ADARB1: variants seen among roughly 807,000 people sequenced by gnomAD.
ADARB1 encodes adenosine deaminase RNA specific B1.
ADARB1 carries 10 observed loss-of-function variants against 52.4 expected under a neutral mutation model. The ratio of observed to expected loss-of-function variants is 0.19; its 90% CI spans 0.12 to 0.32. The LOEUF (loss-of-function observed/expected upper bound fraction) is 0.32. ADARB1 is among the 10% of genes least tolerant of loss of function. ADARB1 has a pLI of 1.00. For synonymous variants in ADARB1, 349 were observed against 371.1 expected (o/e 0.94, Z 0.68); for missense variants, 643 against 922.3 (o/e 0.70, Z 3.92).
chr21:45,133,219 T>C (rs1031186987), intron 2 of ADARB1, among the ~76,000 whole-genome samples: 4 of 152,286 alleles, frequency 2.6e-5, no homozygotes, highest in Non-Finnish European at 4.4e-5. Context: ...CCGTTGCTTC[T>C]GACTGAGGGT....
intron 8 of ADARB1, among the ~76,000 whole-genome samples, chr21:45,186,078 C>A (rs977964358): frequency 6.6e-6 from 1 of 152,214 alleles, no homozygotes; most frequent in African/African-American, 2.4e-5. Flanking sequence ...CACCTCCACA[C>A]GTGCATATGT....
chr21:45,210,454 T>TA (rs2092745885), intron 9 of ADARB1, among the ~76,000 whole-genome samples: 1 of 152,232 alleles, frequency 6.6e-6, no homozygotes, highest in East Asian at 1.9e-4. Flanking sequence ...ACAGTACAGT[T>TA]ACCATTACCT....
rs2091710715 is a variant in ADARB1 at position 45,176,741 on chromosome 21, G to C, written c.963+77G>C. 2.1e-6 allele frequency: 3 copies of C among 1,430,656 alleles called. No individual in the cohort carries two copies. Among genetic ancestry groups the C allele is most frequent in the Non-Finnish European group, 1.9e-6 (2 of 1,061,742 alleles). The allele number at this position is 1,430,656 out of a possible 1,614,324, so 88.6% of individuals were successfully genotyped here. On this transcript the variant is annotated intron_variant, in intron 4 of 10. Coordinates refer to ENST00000348831, the MANE Select transcript of ADARB1 (RefSeq NM_001112.4). The surrounding 1 kb of genome is among the most constrained non-coding windows in gnomAD (Gnocchi z 5.8). ...GCTTCTAGACAGCATTTTAGTTTCA[G>C]GATTACTGTTGACTTTCCACCTTGA...
intron 1 of ADARB1, among the ~76,000 whole-genome samples, chr21:45,114,509 G>C (rs1222332599): frequency 6.6e-6 from 1 of 152,174 alleles, no homozygotes; most frequent in African/African-American, 2.4e-5. Context: ...AGAGTCTCGA[G>C]GCTTAGGCTG....
At chr21:45,160,621 G>C (rs1445511884) in intron 2 of ADARB1, among the ~76,000 whole-genome samples, 1 of 152,240 alleles carries the variant, frequency 6.6e-6, no homozygotes, top group Non-Finnish European at 1.5e-5. Context: ...TAGATTTTAT[G>C]TGTCTGGAAT....
At chr21:45,206,055 A>G (rs2092659514) in intron 9 of ADARB1, among the ~76,000 whole-genome samples, 1 of 152,234 alleles carries the variant, frequency 6.6e-6, no homozygotes, top group African/African-American at 2.4e-5. Context: ...AACAAAATAG[A>G]TAAAACTTGA....
At chr21:45,124,938 A>G (rs987774686) in intron 1 of ADARB1, among the ~76,000 whole-genome samples, 2 of 151,888 alleles carry the variant, frequency 1.3e-5, no homozygotes, top group Admixed American at 1.3e-4. Flanking sequence ...AGCTGGGATG[A>G]CAGGCGTGTG....
At chr21:45,086,596 G>A (rs945230756) in intron 1 of ADARB1, among the ~76,000 whole-genome samples, 3 of 152,206 alleles carry the variant, frequency 2.0e-5, no homozygotes, top group Non-Finnish European at 2.9e-5. Context: ...CTGTGTCATC[G>A]TTTGCATCAG....
At chr21:45,096,154 G>A (rs940222760) in intron 1 of ADARB1, among the ~76,000 whole-genome samples, 4 of 152,342 alleles carry the variant, frequency 2.6e-5, no homozygotes, top group East Asian at 1.9e-4. Context: ...CCCCTTCCAC[G>A]TGGCAGGAGA....
At chr21:45,124,186 T>C (rs1219561814) in intron 1 of ADARB1, among the ~76,000 whole-genome samples, 2 of 152,246 alleles carry the variant, frequency 1.3e-5, no homozygotes, top group Non-Finnish European at 2.9e-5. Context: ...TTGTATACGA[T>C]GTTTACACTG....
chr21:45,154,342 T>C (rs1242126364), intron 2 of ADARB1, among the ~76,000 whole-genome samples: 1 of 152,232 alleles, frequency 6.6e-6, no homozygotes, highest in East Asian at 1.9e-4. Flanking sequence ...TGGTATTTTG[T>C]AATAAGCATT....
chr21:45,129,871 CTG>C (rs2088823913), intron 2 of ADARB1, among the ~76,000 whole-genome samples: 1 of 152,196 alleles, frequency 6.6e-6, no homozygotes, highest in Non-Finnish European at 1.5e-5. Context: ...CTTGCCATTT[CTG>C]TCTGTAAATG....
intron 1 of ADARB1, among the ~76,000 whole-genome samples, chr21:45,085,609 A>C (rs1003611671): frequency 1.3e-5 from 2 of 152,188 alleles, no homozygotes; most frequent in Non-Finnish European, 2.9e-5. Flanking sequence ...GTATGTACCC[A>C]GGAGCAGAGC....
chr21:45,109,624 T>G (rs2087444263), intron 1 of ADARB1, among the ~76,000 whole-genome samples: 1 of 151,432 alleles, frequency 6.6e-6, no homozygotes, highest in African/African-American at 2.4e-5. Context: ...TTTTGTCCCA[T>G]CCTCCTGGCA....
At chr21:45,085,879 A>G (rs551609274) in intron 1 of ADARB1, among the ~76,000 whole-genome samples, 62 of 152,372 alleles carry the variant, frequency 4.1e-4, no homozygotes, top group Middle Eastern at 3.4e-3. Context: ...CAGAACTGAC[A>G]TAGAGCCTCC....
In ADARB1 at chr21:45,191,134, C is replaced by T. The variant is rs114981882; in HGVS notation, c.1565+6043C>T. ...TCCTAGACTGCCATCTTGTTGAAGT[C>T]GTAGTCCAAACACCATTGATTTTTT... On this transcript the variant is annotated intron_variant, in intron 8 of 10. Transcript: ENST00000348831. Among the ~76,000 whole-genome samples the T allele has an allele frequency of 5.6e-3, 847 of 152,292 alleles. 6 individuals are homozygous for T. Among genetic ancestry groups the T allele is most frequent in the African/African-American group, 0.019 (782 of 41,566 alleles).
intron 2 of ADARB1, among the ~76,000 whole-genome samples, chr21:45,168,047 G>C (rs1157944475): frequency 6.6e-6 from 1 of 152,086 alleles, no homozygotes; most frequent in Non-Finnish European, 1.5e-5. Context: ...CCTTCTCGGA[G>C]GTGTGCAGCG....
In ADARB1 at chr21:45,172,223, C is replaced by T. The variant is rs1007216300; in HGVS notation, c.28+539C>T. Among the ~76,000 whole-genome samples, 13 of 152,036 alleles carry T rather than the reference C, an allele frequency of 8.6e-5. No individual in the cohort carries two copies. Among genetic ancestry groups the T allele is most frequent in the African/African-American group, 1.2e-4 (5 of 41,364 alleles). On this transcript the variant is annotated intron_variant, in intron 3 of 10. Transcript: ENST00000348831. The surrounding 1 kb of genome is among the most constrained non-coding windows in gnomAD (Gnocchi z 4.4). ...CCTTCCGTGCTGTTCTCTCTGGTGC[C>T]GGGGTGGTGGAAGGCCGCTGGGGTA...
intron 1 of ADARB1, among the ~76,000 whole-genome samples, chr21:45,081,738 G>A (rs1358317532): frequency 6.6e-6 from 1 of 152,200 alleles, no homozygotes; most frequent in Non-Finnish European, 1.5e-5. Context: ...TGAGTGCGAT[G>A]TGGTACGCTG....
Sources: allele counts gnomAD v4.1 joint callset (sites outside exome capture counted in the v4.1 genomes callset), GRCh38; gene constraint gnomAD v4.1.1; non-coding constraint Gnocchi (gnomAD v3.1); transcripts MANE v1.5; gene names NCBI Gene and HGNC (gene_info 2026-07-23, HGNC 2026-07-21).